The following MALRD1 variants were observed in gnomAD, a reference collection of about 807,000 sequenced individuals.
The protein encoded by MALRD1 is MAM and LDL receptor class A domain containing 1, also known as MAM and LDL-receptor class A domain-containing protein 1.
A neutral mutation model predicts 242.1 loss-of-function variants in MALRD1; 247 were observed. The observed-to-expected ratio is 1.02, with a 90% CI of 0.92 to 1.13. The LOEUF is 1.13. MALRD1 is among the 50% of genes most tolerant of loss of function. The probability of loss-of-function intolerance (pLI) is 0.00; values close to 1 mark genes in which losing one functional copy is unlikely to be tolerated. For synonymous variants in MALRD1, 995 were observed against 866.6 expected (o/e 1.15, Z -2.60); for missense variants, 2,989 against 2,533.1 (o/e 1.18, Z -3.86).
intron 26 of MALRD1, among the ~76,000 whole-genome samples, chr10:19,383,461 T>C (rs1288244216): frequency 6.6e-6 from 1 of 152,156 alleles, no homozygotes; most frequent in African/African-American, 2.4e-5. Context: ...GTTATGGGCA[T>C]ATGGGTCATT....
At chr10:19,491,290 G>T in intron 29 of MALRD1, 2 of 715,298 alleles carry the variant, frequency 2.8e-6, no homozygotes, top group South Asian at 3.0e-5. Flanking sequence ...GAGATTTTCA[G>T]CACCATCAAA....
At chr10:19,215,908 T>G (rs1837292742) in intron 18 of MALRD1, among the ~76,000 whole-genome samples, 1 of 151,570 alleles carries the variant, frequency 6.6e-6, no homozygotes. Flanking sequence ...TTGCATAGTT[T>G]TTTTTCATAA....
At chr10:19,421,418 A>G (rs1241781297) in intron 28 of MALRD1, among the ~76,000 whole-genome samples, 1 of 152,184 alleles carries the variant, frequency 6.6e-6, no homozygotes, top group Non-Finnish European at 1.5e-5. Context: ...AACTGTGGGA[A>G]AAGATGGGCA....
rs773226032 is a variant in MALRD1 at position 19,347,785 on chromosome 10, C to T, written c.3916C>T (p.Arg1306Cys). ...TTFICRTSSG[R>C]CDFEFDLCSW... Reference sequence around the variant, plus strand: ...ATATTTTCCAGGTACCTCCAGTGGGCGCTGTGATTTCGAATTTGATCTTTG... The same window carrying T: ...ATATTTTCCAGGTACCTCCAGTGGGTGCTGTGATTTCGAATTTGATCTTTG... The change falls in exon 25 of 40, where the codon CGC (arginine) becomes TGC (cysteine). Residue 1306 changes from arginine (R) to cysteine (C), a missense_variant. Physicochemically the swap from Arg to Cys is radical, Grantham distance 180. Coordinates refer to ENST00000454679, the MANE Select transcript of MALRD1 (RefSeq NM_001142308.3). 1.4e-5 allele frequency: 22 copies of T among 1,550,262 alleles called. No individual in the cohort carries two copies. Among genetic ancestry groups the T allele is most frequent in the African/African-American group, 1.4e-4 (10 of 72,988 alleles).
intron 28 of MALRD1, among the ~76,000 whole-genome samples, chr10:19,449,185 T>A (rs1029408231): frequency 1.3e-5 from 2 of 152,172 alleles, no homozygotes; most frequent in South Asian, 4.1e-4. Flanking sequence ...GTTTATTTAT[T>A]TATTTATTTT....
intron 2 of MALRD1, among the ~76,000 whole-genome samples, chr10:19,087,242 A>G (rs1835699265): frequency 6.6e-6 from 1 of 152,048 alleles, no homozygotes; most frequent in South Asian, 2.1e-4. Flanking sequence ...TCCTAATAGT[A>G]TAATGTTTTC....
At chr10:19,690,030 GT>G (rs912143087) in intron 36 of MALRD1, among the ~76,000 whole-genome samples, 8 of 151,962 alleles carry the variant, frequency 5.3e-5, no homozygotes, top group Non-Finnish European at 1.2e-4. Flanking sequence ...AAATCATTTT[GT>G]TTCAAGATGG....
chr10:19,662,827 G>T (rs901682499), intron 36 of MALRD1, among the ~76,000 whole-genome samples: 7 of 152,078 alleles, frequency 4.6e-5, no homozygotes, highest in African/African-American at 1.7e-4. Flanking sequence ...TGAAAACTCA[G>T]AGATCACCCA....
rs912623251 is a variant in MALRD1 at position 19,498,607 on chromosome 10, C to T, written c.5281C>T (p.Pro1761Ser). ...DLDWAIGSRI[P>S]AKALIPDSDH... Reference sequence around the variant, plus strand: ...GGACTGGGCCATTGGCAGCAGAATTCCTGCCAAAGCATTAATTCCAGACTC... The same window carrying T: ...GGACTGGGCCATTGGCAGCAGAATTTCTGCCAAAGCATTAATTCCAGACTC... Residue 1761 changes from proline (P) to serine (S), a missense_variant, in exon 31 of 40, where the codon CCT becomes TCT. Physicochemically the swap from Pro to Ser is moderately conservative, Grantham distance 74. Transcript: ENST00000454679. 2.4e-5 allele frequency: 37 copies of T among 1,549,978 alleles called. No homozygotes were observed. Among genetic ancestry groups the T allele is most frequent in the Non-Finnish European group, 3.2e-5 (37 of 1,146,794 alleles).
At chr10:19,387,403 C>G (rs1846127057) in intron 26 of MALRD1, 125 bp from the exon 27 acceptor site, 4 of 1,181,822 alleles carry the variant, frequency 3.4e-6, no homozygotes, top group Non-Finnish European at 4.6e-6. Flanking sequence ...GGTTCAGGTA[C>G]CTCAAATTCC....
At chr10:19,063,147 C>T (rs868119361) in intron 1 of MALRD1, among the ~76,000 whole-genome samples, 56 of 151,530 alleles carry the variant, frequency 3.7e-4, no homozygotes, top group Non-Finnish European at 4.7e-4. Context: ...CCCTGTCCCC[C>T]CCCCAAAAAA....
intron 18 of MALRD1, among the ~76,000 whole-genome samples, chr10:19,253,558 A>T (rs1428381251): frequency 2.6e-5 from 4 of 151,964 alleles, no homozygotes; most frequent in African/African-American, 9.7e-5. Flanking sequence ...CACTGGAAAC[A>T]AAGTGTTGGC....
At chr10:19,345,237 T>TATG (rs1339685341) in intron 24 of MALRD1, among the ~76,000 whole-genome samples, 3 of 115,230 alleles carry the variant, frequency 2.6e-5, no homozygotes, top group Non-Finnish European at 3.8e-5. Flanking sequence ...TTATAAAGAT[T>TATG]TAGCAGTGTT....
At chr10:19,485,625 A>G (rs1054114622) in intron 29 of MALRD1, among the ~76,000 whole-genome samples, 1 of 148,578 alleles carries the variant, frequency 6.7e-6, no homozygotes. Context: ...CCTGGGCGAC[A>G]GAGCAAGACT....
At chr10:19,194,035 A>C (rs1035230595) in intron 14 of MALRD1, among the ~76,000 whole-genome samples, 2 of 150,914 alleles carry the variant, frequency 1.3e-5, no homozygotes, top group African/African-American at 4.9e-5. Context: ...TGTTAATGTG[A>C]TTATCTAAAA....
At chr10:19,510,061 A>T (rs531027770) in intron 31 of MALRD1, among the ~76,000 whole-genome samples, 8 of 152,306 alleles carry the variant, frequency 5.3e-5, no homozygotes, top group African/African-American at 1.9e-4. Context: ...GAGGGTCAGC[A>T]GGAAAACGTG....
intron 4 of MALRD1, among the ~76,000 whole-genome samples, chr10:19,095,712 G>A (rs553451657): frequency 1.3e-5 from 2 of 152,054 alleles, no homozygotes; most frequent in South Asian, 2.1e-4. Flanking sequence ...GAGTACCCCC[G>A]AGCACCAATA....
intron 29 of MALRD1, among the ~76,000 whole-genome samples, chr10:19,476,120 A>G (rs1324822384): frequency 6.6e-6 from 1 of 152,166 alleles, no homozygotes; most frequent in Non-Finnish European, 1.5e-5. Flanking sequence ...ATGGGTCGGA[A>G]AAGTGAAGAA....
chr10:19,320,081 T>C (rs1842860366), intron 21 of MALRD1, among the ~76,000 whole-genome samples: 1 of 148,438 alleles, frequency 6.7e-6, no homozygotes, highest in Middle Eastern at 3.4e-3. Flanking sequence ...TACTTTAGGT[T>C]CTGGGATATA....
Sources: gnomAD v4.1 joint callset for allele counts (sites outside exome capture counted in the v4.1 genomes callset) on GRCh38, gnomAD v4.1.1 for gene constraint, MANE v1.5 for transcripts, NCBI Gene and HGNC (gene_info 2026-07-23, HGNC 2026-07-21) for gene names.